The following IL6ST variants were observed in gnomAD, a reference collection of about 807,000 sequenced individuals.
IL6ST encodes interleukin-6 receptor subunit beta.
Under a neutral mutation model 91.3 loss-of-function variants are expected in IL6ST, and 24 were observed. The observed-to-expected ratio is 0.26, with a 90% confidence interval of 0.19 to 0.37. The LOEUF (loss-of-function observed/expected upper bound fraction) is 0.37, where lower values mean the gene tolerates loss of function less well. Among genes scored for constraint, IL6ST ranks in the 10% least tolerant of loss-of-function variants. The probability of loss-of-function intolerance (pLI) is 1.00; values close to 1 mark genes in which losing one functional copy is unlikely to be tolerated. For synonymous variants in IL6ST, 351 were observed against 373.6 expected (o/e 0.94, Z 0.70); for missense variants, 914 against 1,078.5 (o/e 0.85, Z 2.14).
intron 15 of IL6ST, among the ~76,000 whole-genome samples, chr5:55,945,040 C>CAA (rs368225632): frequency 0.1 from 7,496 of 71,736 alleles, 764 homozygotes; most frequent in African/African-American, 0.23. Flanking sequence ...GGAATTAAAT[C>CAA]AAAAAAAAAA....
In IL6ST at chr5:55,940,352, G is replaced by T. The variant is rs1287694246; in HGVS notation, c.*730C>A. ...TGGCACTCTGTTGAGTTTGTGAAAT[G>T]CATCTTCAAAGAGGTTGTCAATAAT... On this transcript the variant is annotated 3_prime_UTR_variant, in exon 17 of 17. Coordinates refer to ENST00000381298, the MANE Select transcript of IL6ST (RefSeq NM_002184.4). 4.8e-6 allele frequency: 1 copy of T among 208,680 alleles called. No homozygotes were observed. Among genetic ancestry groups the T allele is most frequent in the Admixed American group, 5.9e-5 (1 of 16,886 alleles). The allele number at this position is 208,680 out of a possible 1,614,324, so 12.9% of individuals were successfully genotyped here.
chr5:55,947,064 TGTG>T (rs1224259142), intron 15 of IL6ST, among the ~76,000 whole-genome samples: 3 of 151,430 alleles, frequency 2.0e-5, no homozygotes, highest in Non-Finnish European at 2.9e-5. Flanking sequence ...ATTAGCTGGG[TGTG>T]GTGGTGGGCG....
At position 55,957,254 on chromosome 5, in the gene IL6ST, A is replaced by T. The variant is rs766455728; in HGVS notation, c.1011T>A (p.Asp337Glu). The change falls in exon 9 of 17, where the codon GAT becomes GAA. Residue 337 changes from aspartate (D) to glutamate (E), a missense_variant. Transcript: ENST00000381298. Reference protein sequence around the residue: ...SKAPSFWYKIDPSHTQGYRTV... With the variant: ...SKAPSFWYKIEPSHTQGYRTV... ...TTCTGTAGCCTTGAGTATGGGATGGATCTATTTTATACCAGAAACTTGGTG... is the reference window on the plus strand; with the variant it reads ...TTCTGTAGCCTTGAGTATGGGATGGTTCTATTTTATACCAGAAACTTGGTG... 6.4e-7 allele frequency: 1 copy of T among 1,567,770 alleles called. No individual in the cohort carries two copies. Among genetic ancestry groups the T allele is most frequent in the Non-Finnish European group, 8.7e-7 (1 of 1,152,822 alleles).
At chr5:55,963,751 C>A (rs1226370362) in intron 6 of IL6ST, among the ~76,000 whole-genome samples, 1 of 151,804 alleles carries the variant, frequency 6.6e-6, no homozygotes, top group Non-Finnish European at 1.5e-5. Context: ...TGTCAAAAGA[C>A]AAATATTTAT....
chr5:55,948,549 T>C (rs529611090), intron 14 of IL6ST, among the ~76,000 whole-genome samples: 63 of 152,080 alleles, frequency 4.1e-4, no homozygotes, highest in African/African-American at 1.3e-3. Flanking sequence ...TATATATATA[T>C]ATATGGGTGT....
intron 11 of IL6ST, among the ~76,000 whole-genome samples, chr5:55,953,547 G>A (rs1384615106): frequency 4.6e-5 from 7 of 152,236 alleles, no homozygotes; most frequent in South Asian, 2.1e-4. Context: ...GTGCCACCAC[G>A]CCTAGCTGAT....
intron 15 of IL6ST, chr5:55,944,812 G>A (rs2111613895): frequency 4.5e-6 from 3 of 661,022 alleles, no homozygotes; most frequent in Non-Finnish European, 8.3e-6. Flanking sequence ...GGTACAAGTT[G>A]TGGGACTGCA....
chr5:55,972,912 G>A (rs568396551), intron 3 of IL6ST, among the ~76,000 whole-genome samples: 4 of 151,930 alleles, frequency 2.6e-5, no homozygotes, highest in Non-Finnish European at 4.4e-5. Flanking sequence ...GGCTGAGGCA[G>A]GAGAATTGCT....
At position 55,957,327 on chromosome 5, in the gene IL6ST, G is replaced by C. The variant is rs201559482; in HGVS notation, c.974-36C>G. ...GACATAAACTCCTTAAAATAAAAAG[G>C]TTTTAACAGTAAAATAAAATTCTGC... On this transcript the variant is annotated intron_variant, in intron 8 of 16. Transcript: ENST00000381298. 3 of 1,062,296 alleles carry C rather than the reference G, an allele frequency of 2.8e-6. No homozygotes were observed. The African/African-American group carries it at 4.9e-5, about 17-fold the overall frequency. 65.8% of individuals were successfully genotyped at this position (1,062,296 alleles called of 1,614,324 possible).
At chr5:55,959,009 A>G (rs1561174096) in intron 8 of IL6ST, among the ~76,000 whole-genome samples, 1 of 152,168 alleles carries the variant, frequency 6.6e-6, no homozygotes, top group Non-Finnish European at 1.5e-5. Context: ...GCACTCAAAC[A>G]GAATAAAGAA....
chr5:55,992,748 A>C (rs995383254), intron 1 of IL6ST, among the ~76,000 whole-genome samples: 3 of 152,138 alleles, frequency 2.0e-5, no homozygotes, highest in African/African-American at 7.2e-5. Context: ...TTCAAGGCCA[A>C]CTTCTGGTAA....
chr5:55,940,614 T>TTTAAG lies in IL6ST; in HGVS notation c.*463_*467dup, dbSNP rs1439599825. On this transcript the variant is annotated 3_prime_UTR_variant, in exon 17 of 17. Transcript: ENST00000381298. ...TGTAGTTATGGCCTATGGACCTCTT[T>TTTAAG]TTAAGTTATTTTAGCAGAAGTAGAT... 9.2e-5 allele frequency: 20 copies of TTTAAG among 216,336 alleles called. No individual in the cohort carries two copies. The highest frequency in any genetic ancestry group is 4.3e-4 in the African/African-American group (19 of 44,238). The allele number at this position is 216,336 out of a possible 1,614,324, so 13.4% of individuals were successfully genotyped here.
intron 11 of IL6ST, 74 bp downstream of exon 11, chr5:55,954,736 C>T (rs1370470504): frequency 7.7e-6 from 9 of 1,172,944 alleles, no homozygotes; most frequent in Non-Finnish European, 1.1e-5. Context: ...GACCAAAACA[C>T]TATAAGCAAA....
At chr5:55,963,614 T>C (rs1580823936) in intron 6 of IL6ST, 108 bp from the exon 7 acceptor site, 1 of 813,108 alleles carries the variant, frequency 1.2e-6, no homozygotes. Flanking sequence ...AATTTATCCT[T>C]ACCAAATGAA....
intron 2 of IL6ST, among the ~76,000 whole-genome samples, chr5:55,981,955 C>T (rs1753700202): frequency 6.6e-6 from 1 of 152,028 alleles, no homozygotes; most frequent in Non-Finnish European, 1.5e-5. Flanking sequence ...TGGTAGTGTG[C>T]CGAAAGGAGC....
intron 11 of IL6ST, among the ~76,000 whole-genome samples, chr5:55,954,333 G>A (rs533420897): frequency 2.0e-5 from 3 of 152,108 alleles, no homozygotes; most frequent in African/African-American, 7.2e-5. Flanking sequence ...AGACTGGAGC[G>A]CTACGATTCA....
chr5:55,991,141 G>C (rs925574969), intron 1 of IL6ST, among the ~76,000 whole-genome samples: 3 of 152,080 alleles, frequency 2.0e-5, no homozygotes, highest in Non-Finnish European at 2.9e-5. Flanking sequence ...GTCTATCATT[G>C]ATGGACATTT....
intron 9 of IL6ST, among the ~76,000 whole-genome samples, chr5:55,956,859 T>C (rs1580810789): frequency 6.6e-6 from 1 of 152,152 alleles, no homozygotes; most frequent in Non-Finnish European, 1.5e-5. Flanking sequence ...CATAATACCA[T>C]ACAAAATGTA....
At chr5:55,959,837 C>T (rs1752201184) in intron 8 of IL6ST, among the ~76,000 whole-genome samples, 1 of 151,940 alleles carries the variant, frequency 6.6e-6, no homozygotes, top group Non-Finnish European at 1.5e-5. Flanking sequence ...CTAGACTTAT[C>T]AACAGTTAAC....
Sources: gnomAD v4.1 joint callset for allele counts (sites outside exome capture counted in the v4.1 genomes callset) on GRCh38, gnomAD v4.1.1 for gene constraint, MANE v1.5 for transcripts, NCBI Gene and HGNC (gene_info 2026-07-23, HGNC 2026-07-21) for gene names.